Variants in PTPRM observed in about 807,000 individuals in gnomAD.
PTPRM encodes the protein receptor-type tyrosine-protein phosphatase mu.
In PTPRM, 47 loss-of-function variants were observed where a neutral mutation model predicts 186.7. The observed-to-expected ratio is 0.25, with a 90% CI of 0.20 to 0.32. PTPRM has a LOEUF of 0.32. Ranked by LOEUF, PTPRM falls within the 10% of genes least tolerant of loss-of-function variation. PTPRM has a pLI of 1.00. For missense variants in PTPRM, 1,494 were observed against 1,865.0 expected (o/e 0.80, Z 3.66); for synonymous variants, 668 against 674.9 (o/e 0.99, Z 0.16).
intron 5 of PTPRM, among the ~76,000 whole-genome samples, chr18:7,938,091 T>G (rs1033985312): frequency 6.6e-6 from 1 of 152,232 alleles, no homozygotes; most frequent in African/African-American, 2.4e-5. Context: ...ATAGAGATGC[T>G]CATTACTACT....
intron 13 of PTPRM, among the ~76,000 whole-genome samples, chr18:8,126,104 TTGTC>T (rs1357386012): frequency 6.9e-5 from 10 of 145,182 alleles, no homozygotes; most frequent in Non-Finnish European, 1.3e-4. Flanking sequence ...TGAAACAGCA[TTGTC>T]TGTCTGTCTT....
At chr18:8,268,942 C>T (rs1009708090) in intron 19 of PTPRM, among the ~76,000 whole-genome samples, 1 of 151,756 alleles carries the variant, frequency 6.6e-6, no homozygotes, top group Non-Finnish European at 1.5e-5. Context: ...TATGAAAGGC[C>T]GTATATAAAG....
At chr18:8,324,597 A>C (rs966998712) in intron 22 of PTPRM, among the ~76,000 whole-genome samples, 5 of 152,218 alleles carry the variant, frequency 3.3e-5, no homozygotes, top group Non-Finnish European at 7.3e-5. Flanking sequence ...AACTTATTTC[A>C]GGTAGAGTCC....
chr18:7,829,893 G>A (rs1331874433), intron 2 of PTPRM, among the ~76,000 whole-genome samples: 1 of 151,898 alleles, frequency 6.6e-6, no homozygotes, highest in Non-Finnish European at 1.5e-5. Flanking sequence ...GTGTGTGTCA[G>A]ACATTTCAAT....
At chr18:8,249,080 A>G (rs944848520) in intron 17 of PTPRM, among the ~76,000 whole-genome samples, 1 of 152,228 alleles carries the variant, frequency 6.6e-6, no homozygotes, top group Non-Finnish European at 1.5e-5. Context: ...GAAAAGGAGC[A>G]CAACAAAAAC....
intron 1 of PTPRM, among the ~76,000 whole-genome samples, chr18:7,602,885 T>C (rs1598498716): frequency 6.8e-6 from 1 of 146,810 alleles, no homozygotes; most frequent in African/African-American, 2.5e-5. Context: ...TATGAAAATA[T>C]CTAAGAACGA....
chr18:8,381,753 TTA>T (rs2095737759), intron 29 of PTPRM, among the ~76,000 whole-genome samples: 1 of 152,184 alleles, frequency 6.6e-6, no homozygotes, highest in Non-Finnish European at 1.5e-5. Flanking sequence ...ATTTTCTCAC[TTA>T]CAGTGGCACG....
At chr18:7,772,303 CTCTT>C (rs1347695696) in intron 1 of PTPRM, among the ~76,000 whole-genome samples, 2 of 137,560 alleles carry the variant, frequency 1.5e-5, no homozygotes, top group South Asian at 2.2e-4. Context: ...CTTCCTTCCT[CTCTT>C]CCTTCCTTCC....
chr18:7,776,706 T>C (rs2042600851), intron 2 of PTPRM, among the ~76,000 whole-genome samples: 2 of 152,108 alleles, frequency 1.3e-5, no homozygotes, highest in Non-Finnish European at 2.9e-5. Flanking sequence ...TAAAATGATA[T>C]ATAATTAAGT....
At chr18:8,064,778 A>T (rs2088927228) in intron 7 of PTPRM, among the ~76,000 whole-genome samples, 1 of 152,240 alleles carries the variant, frequency 6.6e-6, no homozygotes. Flanking sequence ...AAACAAGGCC[A>T]TGTACCCAGA....
chr18:7,647,188 T>C (rs2038586241), intron 1 of PTPRM, among the ~76,000 whole-genome samples: 1 of 152,160 alleles, frequency 6.6e-6, no homozygotes, highest in Non-Finnish European at 1.5e-5. Flanking sequence ...CTCTTACTCA[T>C]AAAGCAGCCA....
intron 14 of PTPRM, among the ~76,000 whole-genome samples, chr18:8,236,377 A>G (rs188279985): frequency 1.3e-4 from 20 of 152,320 alleles, no homozygotes; most frequent in African/African-American, 4.8e-4. Context: ...GTCTGAATTT[A>G]ATACAGCTTA....
intron 11 of PTPRM, among the ~76,000 whole-genome samples, chr18:8,101,885 C>T (rs751793465): frequency 1.3e-5 from 2 of 152,160 alleles, no homozygotes; most frequent in African/African-American, 2.4e-5. Context: ...CCTTTGCAGA[C>T]GTGGACTATT....
At chr18:8,190,388 G>A (rs1382931575) in intron 14 of PTPRM, among the ~76,000 whole-genome samples, 2 of 152,148 alleles carry the variant, frequency 1.3e-5, no homozygotes, top group Non-Finnish European at 2.9e-5. Flanking sequence ...TTCTGTGCCT[G>A]TCTTCACTTA....
chr18:7,659,360 G>T (rs2038927806), intron 1 of PTPRM, among the ~76,000 whole-genome samples: 1 of 152,074 alleles, frequency 6.6e-6, no homozygotes, highest in African/African-American at 2.4e-5. Context: ...ACTATCTATT[G>T]AATAAGTGAA....
intron 14 of PTPRM, among the ~76,000 whole-genome samples, chr18:8,210,121 G>A (rs2093983733): frequency 6.6e-6 from 1 of 151,154 alleles, no homozygotes; most frequent in Admixed American, 6.6e-5. Context: ...GACCAGCCTG[G>A]CCAACATGGC....
At chr18:8,252,302 A>G (rs550573602) in intron 17 of PTPRM, among the ~76,000 whole-genome samples, 186 bp from the exon 18 acceptor site, 2 of 152,370 alleles carry the variant, frequency 1.3e-5, no homozygotes, top group Non-Finnish European at 2.9e-5. Flanking sequence ...CTTAAATTCA[A>G]TGCCTCCATC....
chr18:7,973,589 G>A (rs2054722685), intron 7 of PTPRM, among the ~76,000 whole-genome samples: 1 of 151,788 alleles, frequency 6.6e-6, no homozygotes, highest in African/African-American at 2.4e-5. Context: ...TCTATAGTAG[G>A]GTTATTTACC....
chr18:7,981,007 C>A (rs763737392), intron 7 of PTPRM, among the ~76,000 whole-genome samples: 3 of 152,148 alleles, frequency 2.0e-5, no homozygotes, highest in Non-Finnish European at 4.4e-5. Flanking sequence ...GCCCCCTCTC[C>A]ATCAGTTCCC....
Sources: allele counts gnomAD v4.1 joint callset (sites outside exome capture counted in the v4.1 genomes callset), GRCh38; gene constraint gnomAD v4.1.1; transcripts MANE v1.5; gene names NCBI Gene and HGNC (gene_info 2026-07-23, HGNC 2026-07-21).